SLIT3: variants seen among roughly 807,000 people sequenced by gnomAD.
SLIT3 encodes slit homolog 3 protein.
A neutral mutation model predicts 184.0 loss-of-function variants in SLIT3; 68 were observed. The observed-to-expected ratio is 0.37, with a 90% CI of 0.30 to 0.45. The LOEUF is 0.45. SLIT3 is among the 20% of genes least tolerant of loss of function. The pLI, the probability that SLIT3 is intolerant of heterozygous loss-of-function variation, is 1.00. For synonymous variants in SLIT3, 831 were observed against 828.6 expected (o/e 1.00, Z -0.05); for missense variants, 1,707 against 2,026.0 (o/e 0.84, Z 3.02).
intron 8 of SLIT3, among the ~76,000 whole-genome samples, chr5:168,816,974 A>T (rs997522951): frequency 6.6e-6 from 1 of 152,248 alleles, no homozygotes; most frequent in African/African-American, 2.4e-5. Context: ...AGCAGATGCT[A>T]GAACACCTCC....
chr5:168,852,982 C>T (rs183178216), intron 5 of SLIT3, among the ~76,000 whole-genome samples: 98 of 152,276 alleles, frequency 6.4e-4, no homozygotes, highest in African/African-American at 2.2e-3. Context: ...CCAAGCTCTC[C>T]TTCAGCTCTG....
chr5:169,131,738 A>G (rs1761304689), intron 4 of SLIT3, among the ~76,000 whole-genome samples: 2 of 152,188 alleles, frequency 1.3e-5, no homozygotes, highest in Non-Finnish European at 2.9e-5. Flanking sequence ...AGCTATGCCT[A>G]AACCATTCAT....
chr5:168,762,494 GGC>G (rs1561918278), intron 15 of SLIT3, 43 bp downstream of exon 15: 2 of 1,591,860 alleles, frequency 1.3e-6, no homozygotes, highest in Non-Finnish European at 1.7e-6. Flanking sequence ...CCGGGTGACT[GGC>G]GTGTGGGGAG....
chr5:168,898,955 C>A (rs565329025), intron 4 of SLIT3, among the ~76,000 whole-genome samples: 1 of 152,176 alleles, frequency 6.6e-6, no homozygotes, highest in Non-Finnish European at 1.5e-5. Flanking sequence ...GGTTAAAAGA[C>A]ATTATGTGAG....
chr5:168,832,783 G>A (rs1323583965), intron 6 of SLIT3, among the ~76,000 whole-genome samples: 1 of 152,100 alleles, frequency 6.6e-6, no homozygotes, highest in Non-Finnish European at 1.5e-5. Flanking sequence ...TTCATATGAG[G>A]TCTCCTGGTT....
rs370317328 is a variant in SLIT3 at position 168,996,915 on chromosome 5, C to T, written c.414-113579G>A. On this transcript the variant is annotated intron_variant, in intron 4 of 35. Transcript: ENST00000519560. Reference sequence around the variant, plus strand: ...AGGAGTGATGTGTGGGAGAATGTGGCTCATGGTCTATTTACATTCAGGATC... The same window carrying T: ...AGGAGTGATGTGTGGGAGAATGTGGTTCATGGTCTATTTACATTCAGGATC... Among the ~76,000 whole-genome samples the T allele has an allele frequency of 5.3e-5, 8 of 152,232 alleles. No homozygotes were observed. In the East Asian group the frequency reaches 1.5e-3, roughly 29 times the overall value.
intron 4 of SLIT3, among the ~76,000 whole-genome samples, chr5:168,950,228 T>C (rs1762607759): frequency 6.6e-6 from 1 of 152,060 alleles, no homozygotes; most frequent in South Asian, 2.1e-4. Flanking sequence ...TGTGAGGAAG[T>C]AGCTGGAAGG....
intron 11 of SLIT3, 44 bp downstream of exon 11, chr5:168,789,515 GC>G (rs747160130): frequency 1.6e-5 from 24 of 1,477,630 alleles, no homozygotes; most frequent in East Asian, 4.6e-5. Flanking sequence ...TCCCTCCAGC[GC>G]CCCCCCTCCC....
rs1761040524 is a variant in SLIT3 at position 168,666,332 on chromosome 5, C to T, written c.*122G>A. ...TATTTTACAATATACTTAATATTCTCTTCTTCTTTACCTTCCTCTCCAGCT... is the reference window on the plus strand; with the variant it reads ...TATTTTACAATATACTTAATATTCTTTTCTTCTTTACCTTCCTCTCCAGCT... On this transcript the variant is annotated 3_prime_UTR_variant, in exon 36 of 36. Coordinates refer to ENST00000519560, the MANE Select transcript of SLIT3 (RefSeq NM_003062.4). The T allele has an allele frequency of 2.2e-6, 2 of 925,194 alleles. No individual in the cohort carries two copies. Among genetic ancestry groups the T allele is most frequent in the African/African-American group, 1.7e-5 (1 of 60,352 alleles). 57.3% of individuals were successfully genotyped at this position (925,194 alleles called of 1,614,324 possible). A position where few individuals can be genotyped will look rare whatever the true frequency, so the allele number is the denominator to read the frequency against.
intron 16 of SLIT3, among the ~76,000 whole-genome samples, chr5:168,755,389 A>ATTTATTTTCTTTCTTTCTTTC (rs1213373035): frequency 7.5e-6 from 1 of 133,640 alleles, no homozygotes; most frequent in Non-Finnish European, 1.7e-5. Context: ...CAGTGCCGCC[A>ATTTATTTTCTTTCTTTCTTTC]TTTCTTTCTT....
chr5:168,740,898 A>G (rs1277322195), intron 20 of SLIT3, among the ~76,000 whole-genome samples: 1 of 152,220 alleles, frequency 6.6e-6, no homozygotes, highest in Non-Finnish European at 1.5e-5. Flanking sequence ...GACATGTGTC[A>G]CTTGGCACTC....
rs79902426 is a variant in SLIT3, at chr5:168,988,110, G to C, written c.414-104774C>G. Among the ~76,000 whole-genome samples the C allele has an allele frequency of 9.5e-3, 1,446 of 152,306 alleles. 20 individuals are homozygous for C. The highest frequency in any genetic ancestry group is 0.033 in the African/African-American group (1,384 of 41,558). ...TTCGCCATCCTGCACCTGTATTAAG[G>C]TGTCAGGGAGTCTGGTGAATGGACC... is the stretch of plus-strand genomic sequence containing the variant. On this transcript the variant is annotated intron_variant, in intron 4 of 35. Transcript: ENST00000519560.
At chr5:169,047,954 C>A (rs1053660461) in intron 4 of SLIT3, among the ~76,000 whole-genome samples, 1 of 151,716 alleles carries the variant, frequency 6.6e-6, no homozygotes, top group African/African-American at 2.4e-5. Context: ...CCACAAGCAT[C>A]GATTAGATGC....
intron 20 of SLIT3, among the ~76,000 whole-genome samples, chr5:168,735,982 C>A (rs1455263631): frequency 6.6e-6 from 1 of 152,158 alleles, no homozygotes; most frequent in Non-Finnish European, 1.5e-5. Context: ...AAGATCTTTC[C>A]ACCTTGAGGT....
At chr5:169,261,256 G>T (rs1357934050) in intron 1 of SLIT3, among the ~76,000 whole-genome samples, 4 of 152,042 alleles carry the variant, frequency 2.6e-5, no homozygotes, top group African/African-American at 9.7e-5. Flanking sequence ...AGAAAGAGTT[G>T]GCTATATTCA....
At chr5:169,281,881 C>CT (rs61127502) in intron 1 of SLIT3, among the ~76,000 whole-genome samples, 2,345 of 152,094 alleles carry the variant, frequency 0.015, 35 homozygotes, top group East Asian at 0.068. Flanking sequence ...ATTTTCCCCC[C>CT]CAGGGGACAT....
intron 4 of SLIT3, among the ~76,000 whole-genome samples, chr5:169,073,052 G>T (rs1001898655): frequency 2.0e-5 from 3 of 152,168 alleles, no homozygotes; most frequent in African/African-American, 7.2e-5. Context: ...CTCACACAAC[G>T]CAGGGAGAGT....
At chr5:169,099,677 C>T (rs565700873) in intron 4 of SLIT3, among the ~76,000 whole-genome samples, 1 of 152,306 alleles carries the variant, frequency 6.6e-6, no homozygotes, top group South Asian at 2.1e-4. Context: ...CATCTTAGTC[C>T]CAACCATGCC....
intron 4 of SLIT3, among the ~76,000 whole-genome samples, chr5:168,966,619 A>C (rs1224661890): frequency 6.6e-6 from 1 of 152,166 alleles, no homozygotes; most frequent in Non-Finnish European, 1.5e-5. Flanking sequence ...CCTCACACAT[A>C]TCTTAAATGC....
Sources: gnomAD v4.1 joint callset for allele counts (sites outside exome capture counted in the v4.1 genomes callset) on GRCh38, gnomAD v4.1.1 for gene constraint, MANE v1.5 for transcripts, NCBI Gene and HGNC (gene_info 2026-07-23, HGNC 2026-07-21) for gene names.